Variants in SLC38A6 observed in about 807,000 individuals in gnomAD.
SLC38A6 encodes solute carrier family 38 member 6, also known as N system amino acid transporter NAT-1.
In SLC38A6, 73 loss-of-function variants were observed where a neutral mutation model predicts 65.0. The ratio of observed to expected loss-of-function variants is 1.12; its 90% CI spans 0.93 to 1.37. SLC38A6 has a LOEUF of 1.37. SLC38A6 is among the 40% of genes most tolerant of loss of function. SLC38A6 has a pLI of 0.00. For synonymous variants in SLC38A6, 183 were observed against 178.8 expected, an observed-to-expected ratio of 1.02 and a Z score of -0.19; for missense variants, 561 against 531.1, an observed-to-expected ratio of 1.06 and a Z score of -0.55.
rs2041305520 is a variant in SLC38A6, at chr14:61,035,649, C to T, written c.483-1410C>T. Among the ~76,000 whole-genome samples, 3 of 152,102 alleles carry T rather than the reference C, an allele frequency of 2.0e-5. No homozygotes were observed. In the South Asian group the frequency reaches 6.2e-4, roughly 32 times the overall value. On this transcript the variant is annotated intron_variant, in intron 6 of 15. Transcript: ENST00000267488. The stretch of plus-strand genomic sequence containing the variant: ...GTATGAAGTCCAGTTGTGCCACATC[C>T]TTGAATATTTTTGTTTACTAATTTT...
At chr14:61,037,492 T>A (rs2041475349) in intron 7 of SLC38A6, 133 bp from the exon 8 acceptor site, 2 of 635,550 alleles carry the variant, frequency 3.1e-6, no homozygotes, top group East Asian at 2.8e-5. Flanking sequence ...ATAGTTGGAA[T>A]GTTGTTATTC....
At chr14:61,081,997 G>A (rs1386310828) in intron 16 of SLC38A6, among the ~76,000 whole-genome samples, 1 of 152,120 alleles carries the variant, frequency 6.6e-6, no homozygotes, top group African/African-American at 2.4e-5. Flanking sequence ...ACATGGGAGT[G>A]CACAGCAGTG....
chr14:60,984,459 A>T (rs2037303154), intron 2 of SLC38A6, among the ~76,000 whole-genome samples: 1 of 151,242 alleles, frequency 6.6e-6, no homozygotes, highest in Admixed American at 6.6e-5. Context: ...AGCAGACAAG[A>T]CTGCAAAATG....
At chr14:61,075,728 C>T (rs1397076344) in intron 15 of SLC38A6, among the ~76,000 whole-genome samples, 1 of 150,910 alleles carries the variant, frequency 6.6e-6, no homozygotes, top group Non-Finnish European at 1.5e-5. Context: ...GTAACAAAGC[C>T]TGGTAGTTCA....
chr14:61,014,237 G>A (rs1014418143), intron 3 of SLC38A6, among the ~76,000 whole-genome samples: 2 of 152,088 alleles, frequency 1.3e-5, no homozygotes, highest in Admixed American at 6.5e-5. Flanking sequence ...AGCTCCATCA[G>A]GTCCTTTAGG....
In SLC38A6 at chr14:61,015,079, A is replaced by G. The variant is rs550148714; in HGVS notation, c.311-825A>G. Among the ~76,000 whole-genome samples, 5 of 152,282 alleles carry G rather than the reference A, an allele frequency of 3.3e-5. No individual in the cohort carries two copies. In the East Asian group the frequency reaches 7.7e-4, roughly 24 times the overall value. ...TTCTTTACCTATTGAAGCCTCGGCA[A>G]TGGCAGCGCCCATCCCCCAGCCTCG... On this transcript the variant is annotated intron_variant, in intron 3 of 15. Transcript: ENST00000267488.
chr14:61,044,122 A>G (rs1449444107), intron 10 of SLC38A6, among the ~76,000 whole-genome samples: 1 of 151,798 alleles, frequency 6.6e-6, no homozygotes, highest in African/African-American at 2.4e-5. Flanking sequence ...CTGCTTTACC[A>G]CTCTAGAAGA....
chr14:61,060,988 G>GGT (rs1363634804), intron 15 of SLC38A6, among the ~76,000 whole-genome samples: 2 of 150,266 alleles, frequency 1.3e-5, no homozygotes, highest in African/African-American at 5.0e-5. Flanking sequence ...GCTCGCGCAC[G>GGT]GTGCGCGCAC....
chr14:61,043,404 T>C (rs1484109061), intron 9 of SLC38A6, 46 bp from the exon 10 acceptor site: 1 of 1,422,612 alleles, frequency 7.0e-7, no homozygotes, highest in Non-Finnish European at 9.7e-7. Context: ...ATTCTGAAAT[T>C]TAATGGCTGT....
intron 3 of SLC38A6, among the ~76,000 whole-genome samples, chr14:61,015,272 C>A (rs540811405): frequency 7.2e-5 from 11 of 152,252 alleles, no homozygotes; most frequent in African/African-American, 2.4e-4. Context: ...TTTCCAGGTG[C>A]CGGCTGTCAT....
chr14:61,014,054 C>G (rs1287298151), intron 3 of SLC38A6, among the ~76,000 whole-genome samples: 3 of 152,142 alleles, frequency 2.0e-5, no homozygotes, highest in Non-Finnish European at 2.9e-5. Flanking sequence ...TTCACATAGT[C>G]CCATATTTCT....
intron 12 of SLC38A6, among the ~76,000 whole-genome samples, chr14:61,050,152 TA>T (rs1594750807): frequency 1.3e-5 from 2 of 152,280 alleles, no homozygotes. Context: ...ACCTGCGTAT[TA>T]ATATTGTTAT....
At chr14:61,083,512 A>C (rs184510940) in intron 16 of SLC38A6, 259 of 1,536,562 alleles carry the variant, frequency 1.7e-4, no homozygotes, top group Admixed American at 1.3e-3. Flanking sequence ...AAATGAGGCC[A>C]TTAAGCCCTA....
rs3080609 is a variant in SLC38A6 at position 61,030,263 on chromosome 14, CTGTGTGTGTGTG to C, written c.404-156_404-145del. Among the ~76,000 whole-genome samples the C allele has an allele frequency of 3.0e-3, 450 of 148,842 alleles. 5 individuals carry two copies. The highest frequency in any genetic ancestry group is 0.01 in the African/African-American group (417 of 40,506). On this transcript the variant is annotated intron_variant, in intron 5 of 15. Coordinates refer to ENST00000267488, the MANE Select transcript of SLC38A6 (RefSeq NM_153811.3). ...GTTATTCTTCTCTACAGTTACTTTTCTGTGTGTGTGTGTGTGTGTGTGTGTGTGTGTGTGTGT... is the reference window on the plus strand; with the variant it reads ...GTTATTCTTCTCTACAGTTACTTTTCTGTGTGTGTGTGTGTGTGTGTGTGT...
rs548369410 is a variant in SLC38A6 at position 61,012,282 on chromosome 14, G to T, written c.311-3622G>T. Among the ~76,000 whole-genome samples, 9 of 151,308 alleles carry T rather than the reference G, an allele frequency of 5.9e-5. No individual in the cohort carries two copies. In the East Asian group the frequency reaches 7.8e-4, roughly 13 times the overall value. ...ATTTGATTCTTCTCTCTTTTCTTCT[G>T]TATTAGTCTTGCTAGCGGTCTATCA... On this transcript the variant is annotated intron_variant, in intron 3 of 15. Coordinates refer to ENST00000267488, the MANE Select transcript of SLC38A6 (RefSeq NM_153811.3).
intron 4 of SLC38A6, among the ~76,000 whole-genome samples, chr14:61,017,511 T>C (rs1170252328): frequency 2.6e-5 from 4 of 152,212 alleles, no homozygotes; most frequent in African/African-American, 9.6e-5. Context: ...GATTAGGATG[T>C]TTGGTGTAGC....
At position 61,052,135 on chromosome 14, in the gene SLC38A6, G is replaced by T. The variant is rs191343084; in HGVS notation, c.1290G>T (p.Gly430=). The change falls in exon 15 of 16, where the codon GGG becomes GGT. Residue 430 remains glycine, a splice_region_variant and synonymous_variant. Transcript: ENST00000267488. The part of the protein sequence containing the change: ...REDFLSWKKL[G]AFVLLIFGIL... Reference sequence around the variant, plus strand: ...ATTTTCTGTCATGGAAAAAGCTTGGGGTAGGTTGTTTTTGTTTCTTTCTTT... The same window carrying T: ...ATTTTCTGTCATGGAAAAAGCTTGGTGTAGGTTGTTTTTGTTTCTTTCTTT... 1.3e-6 allele frequency: 2 copies of T among 1,547,530 alleles called. No homozygotes were observed. Among genetic ancestry groups the T allele is most frequent in the Non-Finnish European group, 1.7e-6 (2 of 1,158,210 alleles).
intron 5 of SLC38A6, among the ~76,000 whole-genome samples, chr14:61,028,156 G>C (rs1395182114): frequency 6.6e-6 from 1 of 152,034 alleles, no homozygotes; most frequent in African/African-American, 2.4e-5. Context: ...TATTATATTA[G>C]AAAGAAATAG....
intron 3 of SLC38A6, among the ~76,000 whole-genome samples, chr14:60,997,428 A>G (rs1255665856): frequency 6.6e-6 from 1 of 152,194 alleles, no homozygotes; most frequent in Non-Finnish European, 1.5e-5. Context: ...CTGGGATTAT[A>G]GATGTGAGCC....
Sources: gnomAD v4.1 joint callset for allele counts (sites outside exome capture counted in the v4.1 genomes callset) on GRCh38, gnomAD v4.1.1 for gene constraint, MANE v1.5 for transcripts, NCBI Gene and HGNC (gene_info 2026-07-23, HGNC 2026-07-21) for gene names.